Variants in CTNND2 observed in about 807,000 individuals in gnomAD.
CTNND2 encodes the protein catenin delta 2.
A neutral mutation model predicts 144.4 loss-of-function variants in CTNND2; 22 were observed. That is an observed-to-expected ratio of 0.15 (90% CI 0.11 to 0.22). The LOEUF (loss-of-function observed/expected upper bound fraction) is 0.22, where lower values mean the gene tolerates loss of function less well. Ranked by LOEUF, CTNND2 falls within the 10% of genes least tolerant of loss-of-function variation. CTNND2 has a pLI of 1.00. For synonymous variants in CTNND2, 751 were observed against 695.6 expected (o/e 1.08, Z -1.25); for missense variants, 1,353 against 1,618.8 (o/e 0.84, Z 2.82).
chr5:11,108,626 A>G (rs557097236), intron 14 of CTNND2, among the ~76,000 whole-genome samples: 1 of 152,246 alleles, frequency 6.6e-6, no homozygotes, highest in African/African-American at 2.4e-5. Flanking sequence ...TTTTTTACCC[A>G]TTTAAATTAA....
chr5:11,749,437 C>T (rs1788488352), intron 1 of CTNND2, among the ~76,000 whole-genome samples: 1 of 151,974 alleles, frequency 6.6e-6, no homozygotes, highest in Non-Finnish European at 1.5e-5. Flanking sequence ...TGGAAGGAGT[C>T]AGAAAATATG....
At chr5:11,267,432 G>A (rs1393001562) in intron 9 of CTNND2, among the ~76,000 whole-genome samples, 1 of 152,120 alleles carries the variant, frequency 6.6e-6, no homozygotes, top group Non-Finnish European at 1.5e-5. Flanking sequence ...AAAGCCATTT[G>A]AGTGCCTGCA....
At chr5:11,696,840 T>A (rs1785161222) in intron 2 of CTNND2, among the ~76,000 whole-genome samples, 1 of 152,202 alleles carries the variant, frequency 6.6e-6, no homozygotes, top group African/African-American at 2.4e-5. Context: ...CCTGCCTAAA[T>A]GGGCTTTATC....
chr5:10,978,475 A>C (rs547414675), intron 21 of CTNND2, among the ~76,000 whole-genome samples: 41 of 149,090 alleles, frequency 2.8e-4, no homozygotes, highest in African/African-American at 9.7e-4. Context: ...TGTCATTATG[A>C]TCTCCTTGGA....
intron 6 of CTNND2, among the ~76,000 whole-genome samples, chr5:11,394,070 T>C (rs1253415281): frequency 6.6e-6 from 1 of 152,132 alleles, no homozygotes; most frequent in Non-Finnish European, 1.5e-5. Context: ...CTCTTCTCCA[T>C]GTCTTTGCCC....
chr5:11,128,680 A>C (rs1024985593), intron 12 of CTNND2, among the ~76,000 whole-genome samples: 9 of 130,318 alleles, frequency 6.9e-5, no homozygotes, highest in African/African-American at 2.6e-4. Flanking sequence ...AGTTTTCTAG[A>C]TAATCAAACA....
At chr5:11,740,059 A>G (rs926656934) in intron 1 of CTNND2, among the ~76,000 whole-genome samples, 1 of 152,218 alleles carries the variant, frequency 6.6e-6, no homozygotes, top group Non-Finnish European at 1.5e-5. Flanking sequence ...CAAATGCAAG[A>G]ACATTCCATG....
At chr5:11,675,292 T>G (rs775653715) in intron 2 of CTNND2, among the ~76,000 whole-genome samples, 5 of 152,178 alleles carry the variant, frequency 3.3e-5, no homozygotes, top group African/African-American at 7.2e-5. Flanking sequence ...ATCCCTGTTT[T>G]AACCGTGATA....
chr5:11,065,703 T>G (rs1214622008), intron 16 of CTNND2, among the ~76,000 whole-genome samples: 2 of 152,198 alleles, frequency 1.3e-5, no homozygotes, highest in African/African-American at 2.4e-5. Flanking sequence ...TCAGATGGGT[T>G]TATTTAATCC....
At chr5:11,259,389 C>T (rs971543831) in intron 9 of CTNND2, among the ~76,000 whole-genome samples, 1 of 152,240 alleles carries the variant, frequency 6.6e-6, no homozygotes, top group Middle Eastern at 3.4e-3. Context: ...GGTCAATTGC[C>T]CCTGCTGAGC....
At chr5:11,257,507 G>A (rs1413354180) in intron 9 of CTNND2, among the ~76,000 whole-genome samples, 6 of 152,306 alleles carry the variant, frequency 3.9e-5, no homozygotes, top group Admixed American at 1.3e-4. Flanking sequence ...CCTTCATAGG[G>A]CAGCAGGAGA....
chr5:11,041,564 A>C (rs1167645199), intron 16 of CTNND2, among the ~76,000 whole-genome samples: 1 of 152,118 alleles, frequency 6.6e-6, no homozygotes, highest in African/African-American at 2.4e-5. Flanking sequence ...TCATGCATTT[A>C]TTCAGCCAGT....
intron 1 of CTNND2, among the ~76,000 whole-genome samples, chr5:11,793,901 CAT>C (rs1470762616): frequency 6.6e-6 from 1 of 152,224 alleles, no homozygotes; most frequent in Non-Finnish European, 1.5e-5. Context: ...TGTTATTCCT[CAT>C]GTGACAGTTT....
At chr5:11,100,210 A>G (rs2905994) in intron 14 of CTNND2, among the ~76,000 whole-genome samples, 12,673 of 152,234 alleles carry the variant, frequency 0.083, 1,740 homozygotes, top group African/African-American at 0.29. Context: ...CTTTTCCTCA[A>G]TAATGACACA....
intron 1 of CTNND2, among the ~76,000 whole-genome samples, chr5:11,895,817 A>T (rs1280351383): frequency 6.6e-6 from 1 of 152,222 alleles, no homozygotes; most frequent in African/African-American, 2.4e-5. Context: ...AATTCACAAA[A>T]AAATTAGACG....
intron 3 of CTNND2, among the ~76,000 whole-genome samples, chr5:11,558,525 A>G (rs564648413): frequency 1.8e-4 from 27 of 152,164 alleles, no homozygotes; most frequent in Non-Finnish European, 2.9e-4. Flanking sequence ...ATCACCACTC[A>G]AGGCTAATTT....
chr5:11,427,723 A>C (rs1410483757), intron 3 of CTNND2, among the ~76,000 whole-genome samples: 4 of 152,144 alleles, frequency 2.6e-5, no homozygotes, highest in African/African-American at 9.7e-5. Context: ...ATAGGATATC[A>C]AGAAATCCTC....
intron 1 of CTNND2, among the ~76,000 whole-genome samples, chr5:11,830,921 T>G (rs754027930): frequency 4.9e-4 from 75 of 152,198 alleles, no homozygotes; most frequent in Non-Finnish European, 1.0e-3. Flanking sequence ...AATTGAAAAT[T>G]AAAATAAAAC....
intron 3 of CTNND2, among the ~76,000 whole-genome samples, chr5:11,502,703 G>A (rs372486981): frequency 6.6e-6 from 1 of 152,028 alleles, no homozygotes; most frequent in East Asian, 1.9e-4. Context: ...CATCCTCATA[G>A]GGTTTTGCAC....
Sources: allele counts gnomAD v4.1 joint callset (sites outside exome capture counted in the v4.1 genomes callset), GRCh38; gene constraint gnomAD v4.1.1; transcripts MANE v1.5; gene names NCBI Gene and HGNC (gene_info 2026-07-23, HGNC 2026-07-21).